The following OTOA variants were observed in gnomAD, a reference collection of about 807,000 sequenced individuals.
The protein encoded by OTOA is cancer/testis antigen 108.
Under a neutral mutation model 110.8 loss-of-function variants are expected in OTOA, and 70 were observed. The observed-to-expected ratio is 0.63, with a 90% CI of 0.52 to 0.77. OTOA has a LOEUF of 0.77. OTOA is among the 30% of genes least tolerant of loss of function. The pLI is 0.00. For synonymous variants in OTOA, 373 were observed against 431.5 expected (o/e 0.86, Z 1.68); for missense variants, 917 against 1,075.8 (o/e 0.85, Z 2.06).
chr16:21,685,264 A>C lies in OTOA; in HGVS notation c.302A>C (p.His101Pro), dbSNP rs1246137925. 6.2e-7 allele frequency: 1 copy of C among 1,613,028 alleles called. No homozygotes were observed. The change falls in exon 7 of 29, where the codon CAC (histidine) becomes CCC (proline). Residue 101 changes from histidine to proline, a missense_variant. Physicochemically the swap from His to Pro is moderately conservative, Grantham distance 77. This residue lies in a region of OTOA where 840 missense variants were observed against 910.2 expected (regional missense o/e 0.92). Coordinates refer to ENST00000646100, the MANE Select transcript of OTOA (RefSeq NM_144672.4). ...GAAAACCACCTGGAGCAGCGTCTGC[A>C]CCAGCCCCAGAAGCTGCTGGAGGAC... ...AVENHLEQRL[H>P]QPQKLLEDLR... is the part of the protein sequence containing the mutation.
intron 9 of OTOA, among the ~76,000 whole-genome samples, chr16:21,693,924 T>G (rs924719411): frequency 2.0e-5 from 3 of 152,002 alleles, no homozygotes; most frequent in Non-Finnish European, 4.4e-5. Context: ...TTGGCAAATG[T>G]TTTCTGTAAA....
At chr16:21,748,003 GATCCTAGAACC>G (rs1899689091) in intron 24 of OTOA, 2 of 99,698 alleles carry the variant, frequency 2.0e-5, no homozygotes, top group African/African-American at 6.6e-5. Flanking sequence ...CCTGGGTTTT[GATCCTAGAACC>G]ATCATTTTCT....
At chr16:21,679,409 T>C (rs1009480220) in intron 5 of OTOA, among the ~76,000 whole-genome samples, 198 bp downstream of exon 5, 6 of 152,126 alleles carry the variant, frequency 3.9e-5, no homozygotes, top group African/African-American at 1.4e-4. Context: ...GCCAATTTTT[T>C]TTCTTTTTTT....
At position 21,679,221 on chromosome 16, in the gene OTOA, C is replaced by G. The variant is rs746658126; in HGVS notation, c.179+10C>G. 2 of 1,612,660 alleles carry G rather than the reference C, an allele frequency of 1.2e-6. No individual in the cohort carries two copies. Among genetic ancestry groups the G allele is most frequent in the Non-Finnish European group, 1.7e-6 (2 of 1,179,494 alleles). ...TCATACAGTTTCAAAGGTAAAATGC[C>G]CTAGAGGAGAGGGGAAGGGATGGTA... On this transcript the variant is annotated intron_variant, in intron 5 of 28. Transcript: ENST00000646100.
At chr16:21,714,300 T>TTCCTTCCTTCCTTC (rs1898455390) in intron 13 of OTOA, among the ~76,000 whole-genome samples, 31 of 100,434 alleles carry the variant, frequency 3.1e-4, no homozygotes, top group African/African-American at 9.4e-4. Flanking sequence ...TCTTTTCCTT[T>TTCCTTCCTTCCTTC]CTTCCTTCCT....
At chr16:21,712,925 G>T (rs1228026851) in intron 13 of OTOA, among the ~76,000 whole-genome samples, 1 of 152,110 alleles carries the variant, frequency 6.6e-6, no homozygotes, top group Non-Finnish European at 1.5e-5. Flanking sequence ...CATCCAGAAG[G>T]CAGTGCTGGA....
In OTOA at chr16:21,678,571, A is replaced by T. The variant is rs749912295; in HGVS notation, c.57A>T (p.Gly19=). The T allele has an allele frequency of 4.3e-6, 7 of 1,613,674 alleles. No homozygotes were observed. The East Asian group carries it at 1.1e-4, about 26-fold the overall frequency. The change falls in exon 2 of 29, where the codon GGA becomes GGT. Residue 19 remains glycine, a synonymous_variant. Coordinates refer to ENST00000646100, the MANE Select transcript of OTOA (RefSeq NM_144672.4). ...SLFLFLFLSH[G]VSSYTVPNSR... is the part of the protein sequence containing the mutation. ...TCCTATTCCTTTTTCTGAGCCATGG[A>T]GTGTCGAGTTATACAGTGCCAAATT...
rs1299177002 is a variant in OTOA, at chr16:21,732,035, G to A, written c.2301+1105G>A. ...GGCTGGAGTGTAGTGATGCAATCTC[G>A]GCTCACTGCAACCTCTGCTTCCTGG... On this transcript the variant is annotated intron_variant, in intron 21 of 28. Coordinates refer to ENST00000646100, the MANE Select transcript of OTOA (RefSeq NM_144672.4). Among the ~76,000 whole-genome samples the A allele has an allele frequency of 1.2e-4, 18 of 151,796 alleles. No individual in the cohort carries two copies. In the East Asian group the frequency reaches 3.5e-3, roughly 29 times the overall value.
At chr16:21,720,060 A>T (rs1898681930) in intron 17 of OTOA, among the ~76,000 whole-genome samples, 1 of 151,604 alleles carries the variant, frequency 6.6e-6, no homozygotes, top group Admixed American at 6.6e-5. Flanking sequence ...GGCTCAAGAG[A>T]TCCTTCCGTC....
At chr16:21,723,485 G>T (rs1331646952) in intron 18 of OTOA, among the ~76,000 whole-genome samples, 1 of 151,068 alleles carries the variant, frequency 6.6e-6, no homozygotes, top group African/African-American at 2.4e-5. Context: ...CTGTGTGCTA[G>T]TTCTCAGATA....
At position 21,725,979 on chromosome 16, in the gene OTOA, A is replaced by G. The variant is rs190444524; in HGVS notation, c.1881-544A>G. Among the ~76,000 whole-genome samples the G allele has an allele frequency of 2.0e-5, 3 of 152,312 alleles. No individual in the cohort carries two copies. The East Asian group carries it at 5.8e-4, about 29-fold the overall frequency. ...AGAATACATTGTCAAGAGCTGAAGG[A>G]TCAAGAGTGGAAGGCAGAGTTCTGG... On this transcript the variant is annotated intron_variant, in intron 18 of 28. Transcript: ENST00000646100.
intron 21 of OTOA, among the ~76,000 whole-genome samples, chr16:21,735,667 C>T (rs1597856066): frequency 6.6e-6 from 1 of 152,152 alleles, no homozygotes; most frequent in East Asian, 1.9e-4. Flanking sequence ...GCTCTCGACT[C>T]ACTACAACCT....
chr16:21,682,778 C>T (rs889579179), intron 6 of OTOA, among the ~76,000 whole-genome samples: 4 of 152,296 alleles, frequency 2.6e-5, no homozygotes, highest in Non-Finnish European at 1.5e-5. Context: ...TGACATATGT[C>T]TTCATTGTTT....
At chr16:21,692,325 T>TC (rs1897846976) in intron 9 of OTOA, among the ~76,000 whole-genome samples, 2 of 148,360 alleles carry the variant, frequency 1.3e-5, no homozygotes, top group Non-Finnish European at 3.0e-5. Flanking sequence ...AGACTCCGTC[T>TC]CGAAAAAAAA....
intron 11 of OTOA, among the ~76,000 whole-genome samples, chr16:21,704,101 C>T (rs1391535510): frequency 6.6e-6 from 1 of 152,116 alleles, no homozygotes; most frequent in Non-Finnish European, 1.5e-5. Flanking sequence ...TGCAGTAGGC[C>T]TGAATCAATG....
chr16:21,678,694 A>T, intron 2 of OTOA, 89 bp downstream of exon 2: 1 of 1,323,928 alleles, frequency 7.6e-7, no homozygotes, highest in Non-Finnish European at 1.1e-6. Context: ...ATGATGCTGT[A>T]AGTTGTTTTT....
In OTOA at chr16:21,726,521, A is replaced by G. The variant is rs2141716542; in HGVS notation, c.1881-2A>G. 5.0e-6 allele frequency: 8 copies of G among 1,613,458 alleles called. No individual in the cohort carries two copies. Among genetic ancestry groups the G allele is most frequent in the Non-Finnish European group, 6.8e-6 (8 of 1,180,004 alleles). Reference sequence around the variant, plus strand: ...CCTCTTGTTCTCCCCATCTCTCTCCAGGGCCCGCTACCTGGCTTCTGTCCC... The same window carrying G: ...CCTCTTGTTCTCCCCATCTCTCTCCGGGGCCCGCTACCTGGCTTCTGTCCC... On this transcript the variant is annotated splice_acceptor_variant, in intron 18 of 28. Transcript: ENST00000646100. LOFTEE classifies it high-confidence loss of function.
At chr16:21,676,706 A>G (rs1369201904) in intron 1 of OTOA, among the ~76,000 whole-genome samples, 2 of 152,132 alleles carry the variant, frequency 1.3e-5, no homozygotes, top group African/African-American at 4.8e-5. Flanking sequence ...TCTCTGTGCA[A>G]CTTCCTCCTC....
intron 6 of OTOA, chr16:21,684,691 T>C (rs1429719269): frequency 6.6e-6 from 3 of 454,632 alleles, no homozygotes; most frequent in South Asian, 5.3e-5. Context: ...TCAAGAGAAG[T>C]TGGAAATCTT....
Sources: allele counts gnomAD v4.1 joint callset (sites outside exome capture counted in the v4.1 genomes callset), GRCh38; gene constraint gnomAD v4.1.1; regional missense constraint gnomAD v4.1.1; transcripts MANE v1.5; gene names NCBI Gene and HGNC (gene_info 2026-07-23, HGNC 2026-07-21).